SV2C: variants seen among roughly 807,000 people sequenced by gnomAD.
The protein encoded by SV2C is solute carrier family 22 member B3.
Under a neutral mutation model 79.7 loss-of-function variants are expected in SV2C, and 49 were observed. The ratio of observed to expected loss-of-function variants is 0.61; its 90% confidence interval spans 0.49 to 0.78. The LOEUF is 0.78. SV2C is among the 30% of genes least tolerant of loss of function. The pLI is 0.00. For synonymous variants in SV2C, 334 were observed against 333.2 expected (o/e 1.00, Z -0.03); for missense variants, 833 against 912.9 (o/e 0.91, Z 1.13).
chr5:76,182,632 G>A (rs772975345), intron 2 of SV2C, among the ~76,000 whole-genome samples: 27 of 152,212 alleles, frequency 1.8e-4, no homozygotes, highest in Admixed American at 5.9e-4. Context: ...GAGCCAGCAC[G>A]TGAGAGTGAG....
rs928624482 is a variant in SV2C, at chr5:76,331,902, G to A, written c.*6355G>A. The A allele has an allele frequency of 6.6e-6, 1 of 152,256 alleles. No homozygotes were observed. The highest frequency in any genetic ancestry group is 2.4e-5 in the African/African-American group (1 of 41,432). The allele number at this position is 152,256 out of a possible 1,614,324, so 9.4% of individuals were successfully genotyped here. A position where few individuals can be genotyped will look rare whatever the true frequency, so the allele number is the denominator to read the frequency against. ...GGGCTGGATTTCCAATTGCTTTTCA[G>A]TGCCTGTGCCCTGATAGGATGGGCA... On this transcript the variant is annotated 3_prime_UTR_variant, in exon 13 of 13. Coordinates refer to ENST00000502798, the MANE Select transcript of SV2C (RefSeq NM_014979.4).
the SV2C span, among the ~76,000 whole-genome samples, chr5:76,049,024 A>AAAGAAAGAG: frequency 0.074 from 8,904 of 120,474 alleles, 785 homozygotes; most frequent in East Asian, 0.11. Flanking sequence ...AGAAAGAAAG[A>AAAGAAAGAG]AAAAGAAAAG....
the SV2C span, among the ~76,000 whole-genome samples, chr5:76,033,169 T>A: frequency 6.6e-6 from 1 of 152,154 alleles, no homozygotes; most frequent in African/African-American, 2.4e-5. Context: ...ATGAGTAGGT[T>A]GCAAAAATGT....
At chr5:75,981,130 A>C in the SV2C span, among the ~76,000 whole-genome samples, 1 of 152,316 alleles carries the variant, frequency 6.6e-6, no homozygotes, top group African/African-American at 2.4e-5. Flanking sequence ...CATAAAATGA[A>C]TAAAATACCT....
At chr5:76,266,666 A>G (rs193030129) in intron 4 of SV2C, among the ~76,000 whole-genome samples, 114 of 152,298 alleles carry the variant, frequency 7.5e-4, no homozygotes, top group African/African-American at 2.7e-3. Flanking sequence ...GTAGGGCAGG[A>G]ATGATGAGTT....
At chr5:76,251,689 A>G (rs1014507091) in intron 4 of SV2C, among the ~76,000 whole-genome samples, 2 of 152,210 alleles carry the variant, frequency 1.3e-5, no homozygotes, top group African/African-American at 4.8e-5. Context: ...CTCTGCTGAT[A>G]TAAGCGCCAC....
At chr5:75,896,621 T>G in the SV2C span, among the ~76,000 whole-genome samples, 1 of 147,762 alleles carries the variant, frequency 6.8e-6, no homozygotes, top group Admixed American at 6.6e-5. Flanking sequence ...TAGTTCTAGA[T>G]CCCTCCCTGA....
the SV2C span, among the ~76,000 whole-genome samples, chr5:76,046,879 C>T: frequency 2.6e-5 from 4 of 152,140 alleles, no homozygotes; most frequent in Admixed American, 6.5e-5. Flanking sequence ...GAGCTCTGTC[C>T]GTGGCTTCAC....
intron 12 of SV2C, among the ~76,000 whole-genome samples, chr5:76,344,601 C>T (rs369704450): frequency 2.6e-5 from 4 of 151,974 alleles, no homozygotes; most frequent in African/African-American, 7.2e-5. Flanking sequence ...CCCAGCTCCT[C>T]GGGAGGCTGA....
the SV2C span, among the ~76,000 whole-genome samples, chr5:75,985,880 A>G: frequency 7.2e-5 from 11 of 151,816 alleles, no homozygotes; most frequent in Middle Eastern, 3.4e-3. Context: ...TAAACAGCTT[A>G]TTGTTAGTTT....
chr5:75,895,833 G>A, the SV2C span, among the ~76,000 whole-genome samples: 1 of 152,000 alleles, frequency 6.6e-6, no homozygotes, highest in Non-Finnish European at 1.5e-5. Flanking sequence ...GATTAATGTT[G>A]CATTTAAAAA....
rs114956967 is a variant in SV2C at position 76,256,733 on chromosome 5, T to C, written c.914-28429T>C. On this transcript the variant is annotated intron_variant, in intron 4 of 12. Transcript: ENST00000502798. ...ATCTCCCAGCAAGAATCCTGCCTGC[T>C]ACCAAATCATCTTTTAATCTGCCCC... 4.9e-3 allele frequency among the ~76,000 whole-genome samples: 754 copies of C among 152,362 alleles called. 8 individuals are homozygous for C. Among genetic ancestry groups the C allele is most frequent in the African/African-American group, 0.018 (736 of 41,576 alleles).
chr5:76,153,626 C>T (rs1742631149), intron 2 of SV2C, among the ~76,000 whole-genome samples: 1 of 152,184 alleles, frequency 6.6e-6, no homozygotes, highest in African/African-American at 2.4e-5. Context: ...CTAATTTTTA[C>T]AGATGCTATA....
At chr5:75,989,852 T>C in the SV2C span, among the ~76,000 whole-genome samples, 15 of 152,140 alleles carry the variant, frequency 9.9e-5, no homozygotes, top group African/African-American at 2.9e-4. Flanking sequence ...GGTATCTCAA[T>C]GTGGTTTTGA....
At chr5:76,340,774 ATTTT>A (rs1749426553) in intron 12 of SV2C, among the ~76,000 whole-genome samples, 1 of 152,182 alleles carries the variant, frequency 6.6e-6, no homozygotes, top group South Asian at 2.1e-4. Context: ...AATTTTTAAA[ATTTT>A]TTATTATTTT....
chr5:75,977,334 C>T, the SV2C span, among the ~76,000 whole-genome samples: 1 of 152,158 alleles, frequency 6.6e-6, no homozygotes, highest in African/African-American at 2.4e-5. Context: ...AGGACGTCCT[C>T]TTTGTTTTAA....
At chr5:76,320,153 C>CT (rs34287027) in intron 12 of SV2C, among the ~76,000 whole-genome samples, 18,074 of 135,528 alleles carry the variant, frequency 0.13, 1,204 homozygotes, top group Middle Eastern at 0.18. Context: ...TCTCGTCTTC[C>CT]TTTTTTTTTT....
chr5:76,138,199 A>T (rs1036760657), intron 2 of SV2C, among the ~76,000 whole-genome samples: 1 of 152,220 alleles, frequency 6.6e-6, no homozygotes, highest in Non-Finnish European at 1.5e-5. Flanking sequence ...GGAGACCTAG[A>T]GAGCTCGGTT....
intron 4 of SV2C, among the ~76,000 whole-genome samples, chr5:76,258,601 G>T (rs1414084125): frequency 1.3e-5 from 2 of 152,200 alleles, no homozygotes; most frequent in Admixed American, 6.5e-5. Context: ...TTTATAAAGT[G>T]TCTATGCCTG....
Sources: allele counts gnomAD v4.1 joint callset (sites outside exome capture counted in the v4.1 genomes callset), GRCh38; gene constraint gnomAD v4.1.1; transcripts MANE v1.5; gene names NCBI Gene and HGNC (gene_info 2026-07-23, HGNC 2026-07-21).